SKAP1: variants seen among roughly 807,000 people sequenced by gnomAD.
SKAP1 encodes the protein src kinase-associated phosphoprotein 1.
A neutral mutation model predicts 58.5 loss-of-function variants in SKAP1; 44 were observed. That is an observed-to-expected ratio of 0.75 (90% CI 0.59 to 0.97). The LOEUF (loss-of-function observed/expected upper bound fraction) is 0.97. Among genes scored for constraint, SKAP1 ranks in the 50% least tolerant of loss-of-function variants. The pLI, the probability that SKAP1 is intolerant of heterozygous loss-of-function variation, is 0.00. For missense variants in SKAP1, 390 were observed against 435.2 expected, an observed-to-expected ratio of 0.90 and a Z score of 0.92; for synonymous variants, 127 against 149.7, an observed-to-expected ratio of 0.85 and a Z score of 1.11.
intron 4 of SKAP1, among the ~76,000 whole-genome samples, chr17:48,345,018 T>C (rs2066704334): frequency 6.6e-6 from 1 of 152,240 alleles, no homozygotes; most frequent in Non-Finnish European, 1.5e-5. Flanking sequence ...TCCAATTTGA[T>C]GTTCAATTTA....
At chr17:48,332,848 C>T (rs2066522979) in intron 4 of SKAP1, among the ~76,000 whole-genome samples, 1 of 152,066 alleles carries the variant, frequency 6.6e-6, no homozygotes, top group South Asian at 2.1e-4. Flanking sequence ...TCCTTAATTT[C>T]ACACTTTTGC....
At chr17:48,436,990 G>T in the SKAP1 span, among the ~76,000 whole-genome samples, 2 of 152,060 alleles carry the variant, frequency 1.3e-5, no homozygotes, top group Non-Finnish European at 2.9e-5. Flanking sequence ...CTCCTTCTTT[G>T]GTTCTCTTCA....
chr17:48,291,870 T>C (rs2144082429), intron 4 of SKAP1, among the ~76,000 whole-genome samples: 1 of 152,314 alleles, frequency 6.6e-6, no homozygotes, highest in East Asian at 1.9e-4. Context: ...CTAGCGTTAA[T>C]CTATTTTTAT....
chr17:48,395,750 G>A (rs1380740288), intron 2 of SKAP1, among the ~76,000 whole-genome samples: 3 of 152,172 alleles, frequency 2.0e-5, no homozygotes, highest in African/African-American at 7.2e-5. Context: ...TAATTAGCCA[G>A]CAGGAAAGAT....
intron 1 of SKAP1, among the ~76,000 whole-genome samples, chr17:48,397,379 C>T (rs2067435037): frequency 6.6e-6 from 1 of 152,180 alleles, no homozygotes; most frequent in African/African-American, 2.4e-5. Flanking sequence ...GCGCATGCCG[C>T]CAAGCCCGGC....
Position 48,409,727 on chromosome 17 carries a change from T to C in SKAP1, c.47-12942A>G, listed in dbSNP as rs189589843. 5.3e-4 allele frequency among the ~76,000 whole-genome samples: 75 copies of C among 140,282 alleles called. 1 individual carries two copies. The highest frequency in any genetic ancestry group is 1.4e-3 in the Admixed American group (20 of 14,078). 92.0% of individuals were successfully genotyped at this position (140,282 alleles called of 152,430 possible). A position where few individuals can be genotyped will look rare whatever the true frequency, so the allele number is the denominator to read the frequency against. On this transcript the variant is annotated intron_variant, in intron 1 of 12. Transcript: ENST00000336915. ...GCTAGAAAAAGATAGAGTTCAGGAG[T>C]GGGCGAGGGATAAACAGGTAAGGCA...
intron 1 of SKAP1, among the ~76,000 whole-genome samples, chr17:48,402,333 A>ATT (rs71366872): frequency 0.3 from 44,009 of 146,822 alleles, 6,730 homozygotes; most frequent in Admixed American, 0.38. Context: ...TCATAGCAGC[A>ATT]TTTTTTTTTT....
chr17:48,189,404 C>T lies in SKAP1; in HGVS notation c.358+19G>A. On this transcript the variant is annotated intron_variant, in intron 5 of 12. Coordinates refer to ENST00000336915, the MANE Select transcript of SKAP1 (RefSeq NM_003726.4). ...TTCCCTTCCTGGAATGTTCTGAAATCTGTGGGTCTGACCAATACCTTTGCT... is the reference window on the plus strand; with the variant it reads ...TTCCCTTCCTGGAATGTTCTGAAATTTGTGGGTCTGACCAATACCTTTGCT... 1 of 1,592,146 alleles carries T rather than the reference C, an allele frequency of 6.3e-7. No individual in the cohort carries two copies. Among genetic ancestry groups the T allele is most frequent in the Non-Finnish European group, 8.6e-7 (1 of 1,165,530 alleles).
Position 48,335,557 on chromosome 17 carries a change from A to G in SKAP1, c.280+10348T>C, listed in dbSNP as rs377658005. Among the ~76,000 whole-genome samples the G allele has an allele frequency of 4.6e-5, 7 of 152,202 alleles. No homozygotes were observed. The East Asian group carries it at 1.2e-3, about 25-fold the overall frequency. ...TATTTGCTACTTACTTAGAACTTCA[A>G]TATCTGAAATGTGTCCACCATAGAA... On this transcript the variant is annotated intron_variant, in intron 4 of 12. Coordinates refer to ENST00000336915, the MANE Select transcript of SKAP1 (RefSeq NM_003726.4).
rs2065316357 is a variant in SKAP1, at chr17:48,248,053, G to A, written c.281-58553C>T. Among the ~76,000 whole-genome samples the A allele has an allele frequency of 2.0e-5, 3 of 152,130 alleles. No individual in the cohort carries two copies. The South Asian group carries it at 6.2e-4, about 32-fold the overall frequency. ...CTCAACAAGAAATTTCTGAATCGATGAATGAATGATCAACAACACTATTTC... is the reference window on the plus strand; with the variant it reads ...CTCAACAAGAAATTTCTGAATCGATAAATGAATGATCAACAACACTATTTC... On this transcript the variant is annotated intron_variant, in intron 4 of 12. Transcript: ENST00000336915.
At chr17:48,337,628 G>T (rs369351548) in intron 4 of SKAP1, among the ~76,000 whole-genome samples, 14 of 152,116 alleles carry the variant, frequency 9.2e-5, no homozygotes, top group Admixed American at 3.3e-4. Flanking sequence ...ATCAATTCAG[G>T]GGCTTAATGC....
chr17:48,280,530 C>A (rs1286501048), intron 4 of SKAP1, among the ~76,000 whole-genome samples: 4 of 152,066 alleles, frequency 2.6e-5, no homozygotes, highest in African/African-American at 7.2e-5. Context: ...ACACAAAAAA[C>A]ACAATTCTTT....
chr17:48,224,088 A>AAGGAGGAGGAGGAGGAGGAGGAGGAG (rs2065040371), intron 4 of SKAP1, among the ~76,000 whole-genome samples: 1 of 59,018 alleles, frequency 1.7e-5, no homozygotes, highest in African/African-American at 7.3e-5. Context: ...AGGAGGAGGA[A>AAGGAGGAGGAGGAGGAGGAGGAGGAG]GAGGAGGAGG....
chr17:48,300,127 T>C (rs1462592730), intron 4 of SKAP1, among the ~76,000 whole-genome samples: 1 of 152,194 alleles, frequency 6.6e-6, no homozygotes, highest in African/African-American at 2.4e-5. Flanking sequence ...GCTTCACTAG[T>C]TCAGGTCCTT....
At chr17:48,437,531 C>A in the SKAP1 span, among the ~76,000 whole-genome samples, 1 of 151,994 alleles carries the variant, frequency 6.6e-6, no homozygotes, top group African/African-American at 2.4e-5. Context: ...TTGTTTGAGG[C>A]CAGGAGTTTG....
chr17:48,287,770 T>C (rs2065849888), intron 4 of SKAP1, among the ~76,000 whole-genome samples: 1 of 152,208 alleles, frequency 6.6e-6, no homozygotes, highest in Non-Finnish European at 1.5e-5. Context: ...CAGCTGTACA[T>C]AAGGTCTCAT....
chr17:48,140,677 C>T (rs1339805916), intron 11 of SKAP1, among the ~76,000 whole-genome samples: 1 of 152,176 alleles, frequency 6.6e-6, no homozygotes, highest in East Asian at 1.9e-4. Flanking sequence ...GGTTCTCTAT[C>T]TCAGTGAGTT....
At chr17:48,372,264 G>C (rs1598624882) in intron 2 of SKAP1, among the ~76,000 whole-genome samples, 2 of 151,780 alleles carry the variant, frequency 1.3e-5, no homozygotes, top group African/African-American at 4.8e-5. Context: ...GAGCCACCAC[G>C]TCTGGCCCTG....
At chr17:48,272,211 G>T (rs773308835) in intron 4 of SKAP1, among the ~76,000 whole-genome samples, 2 of 151,042 alleles carry the variant, frequency 1.3e-5, no homozygotes, top group Admixed American at 6.6e-5. Context: ...TCAGCTCAGT[G>T]CAATCTGTCT....
Sources: gnomAD v4.1 joint callset for allele counts (sites outside exome capture counted in the v4.1 genomes callset) on GRCh38, gnomAD v4.1.1 for gene constraint, MANE v1.5 for transcripts, NCBI Gene and HGNC (gene_info 2026-07-23, HGNC 2026-07-21) for gene names.